The following TRMT9B variants were observed in gnomAD, a reference collection of about 807,000 sequenced individuals.
The protein encoded by TRMT9B is probable tRNA methyltransferase 9B.
Under a neutral mutation model 11.5 loss-of-function variants are expected in TRMT9B, and 16 were observed. The ratio of observed to expected loss-of-function variants is 1.39; its 90% CI spans 0.94 to 2.11. The LOEUF is 2.11. TRMT9B is among the 30% of genes most tolerant of loss of function. The pLI is 0.00. For synonymous variants in TRMT9B, 274 were observed against 192.4 expected, an observed-to-expected ratio of 1.42 and a Z score of -3.51; for missense variants, 941 against 553.8, an observed-to-expected ratio of 1.70 and a Z score of -7.02.
rs1814231123 is a variant in TRMT9B, at chr8:13,023,193, T to C, written c.*1149T>C. 1 of 167,096 alleles carries C rather than the reference T, an allele frequency of 6.0e-6. No individual in the cohort carries two copies. 10.4% of individuals were successfully genotyped at this position (167,096 alleles called of 1,614,324 possible). Reference sequence around the variant, plus strand: ...ATGAATATCCAAGACCAAGATTGACTAATGATGAGTCTGCATCAAGAACTA... The same window carrying C: ...ATGAATATCCAAGACCAAGATTGACCAATGATGAGTCTGCATCAAGAACTA... On this transcript the variant is annotated 3_prime_UTR_variant, in exon 5 of 5. Transcript: ENST00000524591.
At chr8:13,001,880 A>G (rs1008341081) in intron 2 of TRMT9B, among the ~76,000 whole-genome samples, 3 of 152,152 alleles carry the variant, frequency 2.0e-5, no homozygotes, top group African/African-American at 7.2e-5. Flanking sequence ...CAAACCCTTT[A>G]TCTCTCGCTT....
intron 4 of TRMT9B, among the ~76,000 whole-genome samples, chr8:13,020,018 C>T (rs898706517): frequency 2.6e-5 from 4 of 152,144 alleles, no homozygotes; most frequent in African/African-American, 9.7e-5. Context: ...CTAGTTTGAT[C>T]TGTACACAAC....
intron 1 of TRMT9B, among the ~76,000 whole-genome samples, chr8:12,964,385 A>T (rs1802543151): frequency 6.6e-6 from 1 of 152,198 alleles, no homozygotes; most frequent in Admixed American, 6.5e-5. Flanking sequence ...GAACATTTCC[A>T]TCCTGCCGCA....
At chr8:13,010,913 C>G in intron 3 of TRMT9B, 1 of 933,044 alleles carries the variant, frequency 1.1e-6, no homozygotes, top group African/African-American at 1.8e-5. Flanking sequence ...AGTGTGGCTA[C>G]GAGATCAAAG....
At chr8:13,017,076 TCACA>T (rs146970254) in intron 4 of TRMT9B, among the ~76,000 whole-genome samples, 1 of 150,664 alleles carries the variant, frequency 6.6e-6, no homozygotes, top group South Asian at 2.1e-4. Context: ...GTGAACCAGG[TCACA>T]CCACTGCACT....
chr8:13,006,381 C>T (rs771547795), intron 3 of TRMT9B, 25 bp downstream of exon 3: 2 of 1,508,602 alleles, frequency 1.3e-6, no homozygotes, highest in South Asian at 1.3e-5. Flanking sequence ...TCATCGCTGA[C>T]ATAGGTAACC....
chr8:13,000,565 G>C (rs1809235487), intron 2 of TRMT9B, among the ~76,000 whole-genome samples: 1 of 152,152 alleles, frequency 6.6e-6, no homozygotes, highest in African/African-American at 2.4e-5. Context: ...CCCCAGCAAA[G>C]TTAGTTGTAT....
intron 1 of TRMT9B, among the ~76,000 whole-genome samples, chr8:12,981,852 G>C (rs1251393097): frequency 1.3e-5 from 2 of 152,046 alleles, no homozygotes; most frequent in African/African-American, 2.4e-5. Flanking sequence ...TCCTGCCTCA[G>C]CCTCCCAAAG....
chr8:12,977,491 G>A (rs1039113910), intron 1 of TRMT9B, among the ~76,000 whole-genome samples: 2 of 151,876 alleles, frequency 1.3e-5, no homozygotes, highest in Non-Finnish European at 2.9e-5. Flanking sequence ...TCACGAGGTC[G>A]AGAAATCGAG....
intron 1 of TRMT9B, chr8:12,952,575 C>A: frequency 2.5e-6 from 1 of 397,714 alleles, no homozygotes; most frequent in Non-Finnish European, 3.4e-6. Flanking sequence ...TCATGGAGTG[C>A]ACGTGTATCT....
intron 1 of TRMT9B, chr8:12,952,279 C>T: frequency 2.5e-6 from 1 of 393,656 alleles, no homozygotes; most frequent in Non-Finnish European, 5.3e-6. Context: ...GCTGCCTCGG[C>T]GCCCGCCCGC....
intron 1 of TRMT9B, among the ~76,000 whole-genome samples, chr8:12,954,039 T>G (rs1175453355): frequency 1.3e-5 from 2 of 152,198 alleles, no homozygotes; most frequent in Non-Finnish European, 2.9e-5. Flanking sequence ...ATGGATAAAG[T>G]TCCAAGGTAG....
intron 2 of TRMT9B, among the ~76,000 whole-genome samples, chr8:13,000,968 G>A (rs893989173): frequency 6.6e-6 from 1 of 152,068 alleles, no homozygotes; most frequent in Non-Finnish European, 1.5e-5. Flanking sequence ...TTGGAGATGA[G>A]TGACCCTGAG....
chr8:12,960,805 G>T (rs931924231), intron 1 of TRMT9B, among the ~76,000 whole-genome samples: 1 of 152,146 alleles, frequency 6.6e-6, no homozygotes, highest in Non-Finnish European at 1.5e-5. Flanking sequence ...TGGGTCGAGT[G>T]TGGGGGTAAG....
At chr8:12,951,683 C>T (rs1429372665) in intron 1 of TRMT9B, 1 of 151,972 alleles carries the variant, frequency 6.6e-6, no homozygotes, top group Non-Finnish European at 1.5e-5. Flanking sequence ...AGCGCCGCCT[C>T]CCGAAAGGTG....
chr8:13,021,880 G>A lies in TRMT9B; in HGVS notation c.1201G>A (p.Asp401Asn). ...AATGTCTGTCGAAGATCCACAGACT[G>A]ATGTTTTGGACTCCACAGCCTTTAT... ...DTMSVEDPQT[D>N]VLDSTAFMRY... Residue 401 changes from aspartate to asparagine, a missense_variant, in exon 5 of 5, where the codon GAT (aspartate) becomes AAT (asparagine). By Grantham distance (23) the Asp-to-Asn change is conservative. Coordinates refer to ENST00000524591, the MANE Select transcript of TRMT9B (RefSeq NM_020844.3). 1 of 1,613,858 alleles carries A rather than the reference G, an allele frequency of 6.2e-7. No individual in the cohort carries two copies.
At chr8:12,995,928 G>A (rs946880306) in intron 2 of TRMT9B, among the ~76,000 whole-genome samples, 1 of 152,146 alleles carries the variant, frequency 6.6e-6, no homozygotes, top group Admixed American at 6.6e-5. Flanking sequence ...CCACATGAGA[G>A]TAATAAATGA....
At chr8:13,018,436 G>GT (rs1813211025) in intron 4 of TRMT9B, among the ~76,000 whole-genome samples, 1 of 149,806 alleles carries the variant, frequency 6.7e-6, no homozygotes, top group Non-Finnish European at 1.5e-5. Context: ...AACCTACTTT[G>GT]AAGTCCAATC....
chr8:12,997,429 C>T (rs1023808139), intron 2 of TRMT9B, among the ~76,000 whole-genome samples: 2 of 152,154 alleles, frequency 1.3e-5, no homozygotes, highest in South Asian at 4.1e-4. Flanking sequence ...CAAGCAGATG[C>T]TGGTGCCATG....
Sources: allele counts gnomAD v4.1 joint callset (sites outside exome capture counted in the v4.1 genomes callset), GRCh38; gene constraint gnomAD v4.1.1; transcripts MANE v1.5; gene names NCBI Gene and HGNC (gene_info 2026-07-23, HGNC 2026-07-21).